Variants in SPOCK1 observed in about 807,000 individuals in gnomAD.
SPOCK1 encodes testican-1.
Under a neutral mutation model 55.3 loss-of-function variants are expected in SPOCK1, and 23 were observed. The observed-to-expected ratio is 0.42, with a 90% confidence interval of 0.30 to 0.59. The LOEUF is 0.59. Ranked by LOEUF, SPOCK1 falls within the 20% of genes least tolerant of loss-of-function variation. The pLI, the probability that SPOCK1 is intolerant of heterozygous loss-of-function variation, is 0.22. For missense variants in SPOCK1, 499 were observed against 552.5 expected, an observed-to-expected ratio of 0.90 and a Z score of 0.97; for synonymous variants, 226 against 221.0, an observed-to-expected ratio of 1.02 and a Z score of -0.20.
intron 2 of SPOCK1, among the ~76,000 whole-genome samples, chr5:137,488,602 G>C (rs1288536360): frequency 6.6e-6 from 1 of 152,152 alleles, no homozygotes; most frequent in Non-Finnish European, 1.5e-5. Context: ...TCTCAGAATT[G>C]AGTTAGAGCG....
intron 5 of SPOCK1, among the ~76,000 whole-genome samples, chr5:137,085,807 T>G (rs569978834): frequency 6.6e-6 from 1 of 152,256 alleles, no homozygotes; most frequent in South Asian, 2.1e-4. Context: ...TACTTGCCAG[T>G]TTGATGGGTG....
chr5:137,088,174 C>T (rs550346533), intron 5 of SPOCK1, among the ~76,000 whole-genome samples: 1 of 152,314 alleles, frequency 6.6e-6, no homozygotes, highest in South Asian at 2.1e-4. Flanking sequence ...AACATCCTGC[C>T]TCAAGGACTA....
chr5:137,329,277 T>C (rs986927317), intron 2 of SPOCK1, among the ~76,000 whole-genome samples: 1 of 152,094 alleles, frequency 6.6e-6, no homozygotes, highest in Non-Finnish European at 1.5e-5. Context: ...AATCTTAGAC[T>C]GGGATTTACA....
At chr5:137,326,155 A>G (rs1040473838) in intron 2 of SPOCK1, among the ~76,000 whole-genome samples, 3 of 152,200 alleles carry the variant, frequency 2.0e-5, no homozygotes, top group Admixed American at 6.5e-5. Flanking sequence ...GAGGAAATGA[A>G]AAAAAGGCAG....
chr5:137,454,260 A>T (rs1753318824), intron 2 of SPOCK1, among the ~76,000 whole-genome samples: 1 of 152,106 alleles, frequency 6.6e-6, no homozygotes, highest in Non-Finnish European at 1.5e-5. Context: ...AGAAAGCCAG[A>T]CTTAAGAGGA....
intron 3 of SPOCK1, among the ~76,000 whole-genome samples, chr5:137,180,909 C>T (rs750936303): frequency 1.3e-5 from 2 of 152,166 alleles, no homozygotes; most frequent in Non-Finnish European, 2.9e-5. Flanking sequence ...AAGTGGATGG[C>T]TTGGCCAGCT....
intron 2 of SPOCK1, among the ~76,000 whole-genome samples, chr5:137,472,912 T>G (rs963065489): frequency 3.9e-5 from 6 of 152,220 alleles, no homozygotes; most frequent in Non-Finnish European, 5.9e-5. Flanking sequence ...TGTGATACCA[T>G]TCCTCACCTA....
intron 4 of SPOCK1, among the ~76,000 whole-genome samples, chr5:137,116,736 A>G (rs1753590455): frequency 6.6e-6 from 1 of 152,022 alleles, no homozygotes; most frequent in Non-Finnish European, 1.5e-5. Context: ...CTACCTTCAC[A>G]GGCTCCCTGT....
chr5:137,481,555 G>T (rs1363746696), intron 2 of SPOCK1, among the ~76,000 whole-genome samples: 2 of 152,218 alleles, frequency 1.3e-5, no homozygotes, highest in East Asian at 3.8e-4. Flanking sequence ...CAACCATTCT[G>T]CTGGTCAGTC....
At chr5:137,432,967 C>T (rs907971018) in intron 2 of SPOCK1, among the ~76,000 whole-genome samples, 1 of 152,132 alleles carries the variant, frequency 6.6e-6, no homozygotes, top group Non-Finnish European at 1.5e-5. Flanking sequence ...GGCATTTCAT[C>T]CATGCAGCAA....
At chr5:137,084,223 A>G (rs914250408) in intron 5 of SPOCK1, among the ~76,000 whole-genome samples, 4 of 151,710 alleles carry the variant, frequency 2.6e-5, no homozygotes, top group African/African-American at 9.7e-5. Context: ...TACCTCAGTC[A>G]TTTCACTTAT....
rs2127116452 is a variant in SPOCK1 at position 137,267,091 on chromosome 5, T to C, written c.187-36A>G. On this transcript the variant is annotated intron_variant, in intron 2 of 10. Coordinates refer to ENST00000394945, the MANE Select transcript of SPOCK1 (RefSeq NM_004598.4). ...AAAAAATAGAAAACAAAGGTCAGAG[T>C]TCAAAAAGCTTCTCACATAACTGCA... 2.6e-6 allele frequency: 4 copies of C among 1,557,592 alleles called. No individual in the cohort carries two copies. In the East Asian group the frequency reaches 6.7e-5, roughly 26 times the overall value.
At chr5:137,425,689 T>C (rs1484458997) in intron 2 of SPOCK1, among the ~76,000 whole-genome samples, 2 of 152,190 alleles carry the variant, frequency 1.3e-5, no homozygotes, top group African/African-American at 4.8e-5. Flanking sequence ...TGCCCTGCAT[T>C]TTACCAGAGA....
chr5:137,220,008 C>T (rs904490705), intron 3 of SPOCK1, among the ~76,000 whole-genome samples: 8 of 152,164 alleles, frequency 5.3e-5, no homozygotes, highest in African/African-American at 1.9e-4. Flanking sequence ...ACTCCATCTG[C>T]CCCAGAAGTA....
intron 2 of SPOCK1, among the ~76,000 whole-genome samples, chr5:137,387,167 T>A (rs1751614965): frequency 6.6e-6 from 1 of 152,242 alleles, no homozygotes; most frequent in Non-Finnish European, 1.5e-5. Flanking sequence ...CACCAAATGC[T>A]GATAGGAACT....
At chr5:137,339,272 A>T (rs1053052753) in intron 2 of SPOCK1, among the ~76,000 whole-genome samples, 2 of 152,260 alleles carry the variant, frequency 1.3e-5, no homozygotes, top group Non-Finnish European at 2.9e-5. Context: ...AGGATGGAGC[A>T]TGTGACCCAA....
rs78126617 is a variant in SPOCK1 at position 137,138,209 on chromosome 5, C to A, written c.347+2371G>T. ...ATTGAGCCCAGATGGGTCTCCTTCCCAAATCCATGCTCTCACCCACTGTAA... is the reference window on the plus strand; with the variant it reads ...ATTGAGCCCAGATGGGTCTCCTTCCAAAATCCATGCTCTCACCCACTGTAA... On this transcript the variant is annotated intron_variant, in intron 4 of 10. Coordinates refer to ENST00000394945, the MANE Select transcript of SPOCK1 (RefSeq NM_004598.4). 3.7e-3 allele frequency among the ~76,000 whole-genome samples: 560 copies of A among 152,274 alleles called. 15 individuals are homozygous for A. In the East Asian group the frequency reaches 0.071, roughly 19 times the overall value.
At chr5:137,229,284 A>G (rs1489384878) in intron 3 of SPOCK1, among the ~76,000 whole-genome samples, 1 of 152,204 alleles carries the variant, frequency 6.6e-6, no homozygotes, top group Non-Finnish European at 1.5e-5. Flanking sequence ...GGGACATGTG[A>G]ATGCATGTGA....
intron 3 of SPOCK1, among the ~76,000 whole-genome samples, chr5:137,188,203 C>T (rs1755110686): frequency 6.6e-6 from 1 of 152,234 alleles, no homozygotes; most frequent in Non-Finnish European, 1.5e-5. Context: ...CTATCTTACA[C>T]CTGCCCCCAA....
Sources: gnomAD v4.1 joint callset for allele counts (sites outside exome capture counted in the v4.1 genomes callset) on GRCh38, gnomAD v4.1.1 for gene constraint, MANE v1.5 for transcripts, NCBI Gene and HGNC (gene_info 2026-07-23, HGNC 2026-07-21) for gene names.